The following GLIS3 variants were observed in gnomAD, a reference collection of about 807,000 sequenced individuals.
The protein encoded by GLIS3 is zinc finger protein GLIS3.
A neutral mutation model predicts 78.6 loss-of-function variants in GLIS3; 53 were observed. The observed-to-expected ratio is 0.67, with a 90% CI of 0.54 to 0.85. The LOEUF (loss-of-function observed/expected upper bound fraction) is 0.85, where lower values mean the gene tolerates loss of function less well. Ranked by LOEUF, GLIS3 falls within the 40% of genes least tolerant of loss-of-function variation. The pLI is 0.00. For synonymous variants in GLIS3, 684 were observed against 509.9 expected (o/e 1.34, Z -4.60); for missense variants, 1,703 against 1,231.1 (o/e 1.38, Z -5.74).
intron 2 of GLIS3, among the ~76,000 whole-genome samples, chr9:4,128,387 C>A (rs1358470131): frequency 2.0e-5 from 3 of 152,240 alleles, no homozygotes; most frequent in Non-Finnish European, 4.4e-5. Flanking sequence ...TACTTCACTG[C>A]TGTTTAAAGA....
chr9:4,328,099 C>A (rs559343718), intron 2 of GLIS3, among the ~76,000 whole-genome samples: 1 of 152,162 alleles, frequency 6.6e-6, no homozygotes, highest in Non-Finnish European at 1.5e-5. Context: ...CTTCTGGTCA[C>A]GTGGCCCACT....
the GLIS3 span, among the ~76,000 whole-genome samples, chr9:4,401,001 G>A: frequency 2.0e-5 from 3 of 152,268 alleles, no homozygotes; most frequent in South Asian, 6.2e-4. Context: ...CTGTGGCTAT[G>A]ATGAAACATT....
intron 4 of GLIS3, among the ~76,000 whole-genome samples, chr9:4,307,755 G>C (rs1002974356): frequency 1.3e-5 from 2 of 152,130 alleles, no homozygotes; most frequent in African/African-American, 4.8e-5. Flanking sequence ...AGGTTTGAAG[G>C]TGCAGGAAGG....
intron 2 of GLIS3, among the ~76,000 whole-genome samples, chr9:4,193,724 T>A (rs1818541606): frequency 6.6e-6 from 1 of 152,222 alleles, no homozygotes; most frequent in Non-Finnish European, 1.5e-5. Flanking sequence ...CTGGGAGGAA[T>A]GAGGTGCTCT....
chr9:4,433,672 C>T, the GLIS3 span, among the ~76,000 whole-genome samples: 1 of 152,210 alleles, frequency 6.6e-6, no homozygotes, highest in Non-Finnish European at 1.5e-5. Context: ...AAAAGAACTA[C>T]TTATCTCTAA....
chr9:4,142,004 T>G (rs1222208531), intron 2 of GLIS3, among the ~76,000 whole-genome samples: 1 of 152,212 alleles, frequency 6.6e-6, no homozygotes, highest in Non-Finnish European at 1.5e-5. Context: ...CTCTGCACCT[T>G]GTAGATGCGA....
intron 2 of GLIS3, among the ~76,000 whole-genome samples, chr9:4,273,215 TG>T (rs1826675888): frequency 6.6e-6 from 1 of 151,038 alleles, no homozygotes; most frequent in Non-Finnish European, 1.5e-5. Flanking sequence ...GCAGTTGCAG[TG>T]GTTTATAGAG....
the GLIS3 span, chr9:4,490,381 G>A: frequency 1.5e-5 from 3 of 204,626 alleles, no homozygotes; most frequent in East Asian, 3.7e-4. Flanking sequence ...TCCTTCCCGG[G>A]CCTGCCGCTC....
At chr9:3,907,266 C>T (rs750959385) in intron 6 of GLIS3, among the ~76,000 whole-genome samples, 19 of 152,250 alleles carry the variant, frequency 1.2e-4, no homozygotes, top group Non-Finnish European at 2.4e-4. Context: ...TCCACAGCAG[C>T]CAGCAGTGTG....
At chr9:4,294,498 A>G (rs1816308651) in intron 1 of GLIS3, among the ~76,000 whole-genome samples, 1 of 151,540 alleles carries the variant, frequency 6.6e-6, no homozygotes, top group Non-Finnish European at 1.5e-5. Flanking sequence ...AGCAAGAGCG[A>G]AATTATGTCT....
At position 4,118,780 on chromosome 9, in the gene GLIS3, G is replaced by A; in HGVS notation, c.698C>T (p.Ala233Val). 6.2e-7 allele frequency: 1 copy of A among 1,612,066 alleles called. No homozygotes were observed. Among genetic ancestry groups the A allele is most frequent in the Non-Finnish European group, 8.5e-7 (1 of 1,180,014 alleles). Residue 233 changes from alanine (A) to valine (V), a missense_variant, in exon 4 of 11, where the codon GCC becomes GTC. Ala to Val is a moderately conservative substitution (Grantham distance 64). Coordinates refer to ENST00000381971, the MANE Select transcript of GLIS3 (RefSeq NM_001042413.2). This position sits in a 1 kb window ranked among gnomAD's most constrained non-coding sequence, Gnocchi z 4.7. The stretch of plus-strand genomic sequence containing the variant: ...GCCGTGGTTGGAGAGCGAAGGGAGG[G>A]CCCTGTAGCCCTGGGACCACTCCTG... ...MKQEWSQGYR[A>V]LPSLSNHGSQ...
intron 6 of GLIS3, chr9:3,900,928 G>C (rs1437462473): frequency 1.3e-5 from 2 of 152,160 alleles, no homozygotes; most frequent in African/African-American, 2.4e-5. Flanking sequence ...AGCAACAGGA[G>C]AACCACTAAA....
chr9:4,010,810 G>T (rs1821942933), intron 4 of GLIS3, among the ~76,000 whole-genome samples: 1 of 152,080 alleles, frequency 6.6e-6, no homozygotes, highest in Non-Finnish European at 1.5e-5. Context: ...CCTAGAGTGG[G>T]TCCTGTGTTC....
intron 1 of GLIS3, among the ~76,000 whole-genome samples, chr9:4,296,315 G>C (rs576656453): frequency 6.0e-5 from 9 of 149,014 alleles, no homozygotes; most frequent in Non-Finnish European, 1.3e-4. Context: ...AAAAAAGACC[G>C]AGAACACTGA....
chr9:4,237,438 A>G (rs150355120), intron 2 of GLIS3, among the ~76,000 whole-genome samples: 46 of 152,362 alleles, frequency 3.0e-4, no homozygotes, highest in Non-Finnish European at 5.4e-4. Flanking sequence ...AATATGCAAA[A>G]AATAAAAAAG....
intron 2 of GLIS3, among the ~76,000 whole-genome samples, chr9:4,143,070 G>A (rs1489404819): frequency 6.6e-6 from 1 of 151,988 alleles, no homozygotes; most frequent in South Asian, 2.1e-4. Flanking sequence ...AAAGATATGT[G>A]TCTTTTTTCA....
Position 4,229,139 on chromosome 9 carries a change from T to A in GLIS3, c.388+56899A>T, listed in dbSNP as rs193175664. ...CCACTGAGGAAAAAGGTAATATCCA[T>A]GTATAAAAGATGTGAGGAAGGATAC... On this transcript the variant is annotated intron_variant, in intron 2 of 10. Coordinates refer to ENST00000381971, the MANE Select transcript of GLIS3 (RefSeq NM_001042413.2). Among the ~76,000 whole-genome samples the A allele has an allele frequency of 7.9e-5, 12 of 152,226 alleles. No homozygotes were observed. In the East Asian group the frequency reaches 2.3e-3, roughly 29 times the overall value.
intron 2 of GLIS3, among the ~76,000 whole-genome samples, chr9:4,215,490 T>C (rs1367719611): frequency 6.6e-6 from 1 of 152,194 alleles, no homozygotes; most frequent in African/African-American, 2.4e-5. Flanking sequence ...GAAAAAAATC[T>C]GTTTGGTCTT....
At chr9:4,281,550 C>T (rs935576350) in intron 2 of GLIS3, among the ~76,000 whole-genome samples, 1 of 152,216 alleles carries the variant, frequency 6.6e-6, no homozygotes, top group Non-Finnish European at 1.5e-5. Context: ...CCTTTTGTGA[C>T]TGGTGCATTT....
Sources: gnomAD v4.1 joint callset for allele counts (sites outside exome capture counted in the v4.1 genomes callset) on GRCh38, gnomAD v4.1.1 for gene constraint, Gnocchi (gnomAD v3.1) non-coding constraint, MANE v1.5 for transcripts, NCBI Gene and HGNC (gene_info 2026-07-23, HGNC 2026-07-21) for gene names.